The following NSG2 variants were observed in gnomAD, a reference collection of about 807,000 sequenced individuals.
NSG2 encodes the protein neuronal vesicle trafficking-associated protein 2.
In NSG2, 4 loss-of-function variants were observed where a neutral mutation model predicts 16.9. The ratio of observed to expected loss-of-function variants is 0.24; its 90% CI spans 0.12 to 0.54. NSG2 has a LOEUF of 0.54. Among genes scored for constraint, NSG2 ranks in the 20% least tolerant of loss-of-function variants. The pLI is 0.95. For missense variants in NSG2, 179 were observed against 221.1 expected (o/e 0.81, Z 1.21); for synonymous variants, 98 against 88.7 (o/e 1.11, Z -0.59).
At chr5:174,079,973 T>C (rs771306633) in intron 3 of NSG2, among the ~76,000 whole-genome samples, 1 of 152,228 alleles carries the variant, frequency 6.6e-6, no homozygotes, top group Non-Finnish European at 1.5e-5. Context: ...GGAATTTGTC[T>C]CTGTGTGAAG....
intron 3 of NSG2, chr5:174,082,763 G>C (rs2113456299): frequency 6.6e-6 from 1 of 152,262 alleles, no homozygotes; most frequent in Middle Eastern, 3.4e-3. Context: ...GCTGAGTACT[G>C]GGCTATGAAG....
chr5:174,054,709 C>T (rs936795124), intron 2 of NSG2, among the ~76,000 whole-genome samples: 13 of 152,310 alleles, frequency 8.5e-5, no homozygotes, highest in African/African-American at 2.6e-4. Context: ...AAATCACCCC[C>T]ATTTCACAGA....
Position 174,102,400 on chromosome 5 carries a change from T to G in NSG2, c.214-1828T>G, listed in dbSNP as rs973590949. Reference sequence around the variant, plus strand: ...CTCTTTTTCTGAATCAAAAGGAACCTTTCCTCCATGAGAAGAATCCTGCCA... The same window carrying G: ...CTCTTTTTCTGAATCAAAAGGAACCGTTCCTCCATGAGAAGAATCCTGCCA... On this transcript the variant is annotated intron_variant, in intron 3 of 4. Transcript: ENST00000303177. 1.2e-3 allele frequency among the ~76,000 whole-genome samples: 176 copies of G among 152,278 alleles called. 1 individual carries two copies. Among genetic ancestry groups the G allele is most frequent in the Admixed American group, 0.011 (175 of 15,294 alleles).
At chr5:174,050,558 G>A (rs1177394580) in intron 2 of NSG2, among the ~76,000 whole-genome samples, 2 of 152,098 alleles carry the variant, frequency 1.3e-5, no homozygotes, top group Non-Finnish European at 2.9e-5. Flanking sequence ...GAAGGGCTAG[G>A]GTTGGAACCT....
chr5:174,084,000 A>C (rs571951317), intron 3 of NSG2: 66 of 152,252 alleles, frequency 4.3e-4, no homozygotes, highest in African/African-American at 1.6e-3. Context: ...CTCTATGAAT[A>C]TTATCGCCGA....
intron 3 of NSG2, chr5:174,064,560 T>C (rs771482170): frequency 9.4e-5 from 32 of 338,932 alleles, no homozygotes; most frequent in Admixed American, 1.4e-4. Flanking sequence ...AATTGATAAA[T>C]GCCTCTTCTA....
At chr5:174,074,639 C>T (rs139851823) in intron 3 of NSG2, among the ~76,000 whole-genome samples, 6 of 152,170 alleles carry the variant, frequency 3.9e-5, no homozygotes, top group African/African-American at 7.2e-5. Context: ...GTCCTTAGTA[C>T]GGCACTGCAG....
intron 3 of NSG2, among the ~76,000 whole-genome samples, chr5:174,086,984 C>G (rs147374087): frequency 2.6e-5 from 4 of 152,336 alleles, no homozygotes; most frequent in African/African-American, 9.6e-5. Context: ...GTTTCTGGCT[C>G]TACACCCAGG....
chr5:174,106,456 A>C (rs1441378239), intron 4 of NSG2, among the ~76,000 whole-genome samples: 1 of 152,094 alleles, frequency 6.6e-6, no homozygotes. Context: ...GAAACCTCCA[A>C]GTTCGTCCGG....
At chr5:174,086,498 G>T (rs985906747) in intron 3 of NSG2, 7 of 152,248 alleles carry the variant, frequency 4.6e-5, no homozygotes, top group Non-Finnish European at 7.3e-5. Flanking sequence ...AATGAGGCAG[G>T]TTCCCTCTAG....
intron 3 of NSG2, among the ~76,000 whole-genome samples, chr5:174,076,732 C>G (rs997826015): frequency 1.3e-5 from 2 of 152,144 alleles, no homozygotes; most frequent in African/African-American, 4.8e-5. Flanking sequence ...TCAGAGGACA[C>G]TTGGCAATAT....
At chr5:174,064,346 T>C (rs763757701) in intron 3 of NSG2, 31 bp downstream of exon 3, 16 of 1,542,954 alleles carry the variant, frequency 1.0e-5, no homozygotes, top group Middle Eastern at 3.4e-4. Flanking sequence ...ATAGAAAGAG[T>C]AAAGGAGAGG....
chr5:174,053,214 T>C (rs1277430511), intron 2 of NSG2, among the ~76,000 whole-genome samples: 2 of 152,182 alleles, frequency 1.3e-5, no homozygotes, highest in Non-Finnish European at 2.9e-5. Context: ...AGGGTGCTGA[T>C]GAGGGAAACA....
At position 174,078,927 on chromosome 5, in the gene NSG2, A is replaced by G. The variant is rs190456390; in HGVS notation, c.213+14612A>G. On this transcript the variant is annotated intron_variant, in intron 3 of 4. Coordinates refer to ENST00000303177, the MANE Select transcript of NSG2 (RefSeq NM_015980.5). ...CTATGGTATTTTCTTATAACAGCCC[A>G]AATGGACTAAGACACACGCACACAC... Among the ~76,000 whole-genome samples, 292 of 152,266 alleles carry G rather than the reference A, an allele frequency of 1.9e-3. 1 individual carries two copies. The highest frequency in any genetic ancestry group is 0.01 in the Middle Eastern group (3 of 294).
chr5:174,099,175 C>G (rs1362797757), intron 3 of NSG2, among the ~76,000 whole-genome samples: 1 of 152,138 alleles, frequency 6.6e-6, no homozygotes, highest in Non-Finnish European at 1.5e-5. Context: ...AGCAGGATGC[C>G]TCGCAGAACT....
intron 3 of NSG2, among the ~76,000 whole-genome samples, chr5:174,070,163 A>T (rs1406868438): frequency 6.8e-6 from 1 of 147,540 alleles, no homozygotes; most frequent in East Asian, 1.9e-4. Context: ...CTGGGATTAC[A>T]GGTGTGAGCC....
At chr5:174,051,671 C>T (rs1759892057) in intron 2 of NSG2, among the ~76,000 whole-genome samples, 1 of 152,216 alleles carries the variant, frequency 6.6e-6, no homozygotes, top group East Asian at 1.9e-4. Flanking sequence ...GAAAAGACAG[C>T]ATTGGCCACT....
chr5:174,098,360 G>A (rs1305522399), intron 3 of NSG2, among the ~76,000 whole-genome samples: 1 of 152,110 alleles, frequency 6.6e-6, no homozygotes, highest in Non-Finnish European at 1.5e-5. Context: ...ACTGTCTTGG[G>A]CAGGACAAGG....
intron 3 of NSG2, among the ~76,000 whole-genome samples, chr5:174,076,270 A>C (rs947419264): frequency 1.3e-5 from 2 of 152,110 alleles, no homozygotes; most frequent in African/African-American, 4.8e-5. Flanking sequence ...AACTTCTTTC[A>C]CTGGGAGCAA....
Sources: allele counts gnomAD v4.1 joint callset (sites outside exome capture counted in the v4.1 genomes callset), GRCh38; gene constraint gnomAD v4.1.1; transcripts MANE v1.5; gene names NCBI Gene and HGNC (gene_info 2026-07-23, HGNC 2026-07-21).